KCNN2: variants seen among roughly 807,000 people sequenced by gnomAD.
KCNN2 encodes the protein potassium calcium-activated channel subfamily N member 2, also known as small conductance calcium-activated potassium channel protein 2.
In KCNN2, 24 loss-of-function variants were observed where a neutral mutation model predicts 55.5. The ratio of observed to expected loss-of-function variants is 0.43; its 90% CI spans 0.31 to 0.61. KCNN2 has a LOEUF of 0.61. Among genes scored for constraint, KCNN2 ranks in the 20% least tolerant of loss-of-function variants. The pLI, the probability that KCNN2 is intolerant of heterozygous loss-of-function variation, is 0.08. For synonymous variants in KCNN2, 431 were observed against 336.1 expected (o/e 1.28, Z -3.09); for missense variants, 754 against 853.6 (o/e 0.88, Z 1.45).
At chr5:114,199,612 ATT>A (rs34199440) in intron 1 of KCNN2, among the ~76,000 whole-genome samples, 36 of 150,330 alleles carry the variant, frequency 2.4e-4, no homozygotes, top group African/African-American at 8.5e-4. Context: ...TGGGTTTTAT[ATT>A]TTTTTTTATG....
At chr5:114,107,179 C>T (rs573425782) in intron 1 of KCNN2, among the ~76,000 whole-genome samples, 1 of 152,152 alleles carries the variant, frequency 6.6e-6, no homozygotes, top group African/African-American at 2.4e-5. Flanking sequence ...GTAGTAGCAT[C>T]TTTGTTGTAA....
chr5:114,242,690 C>G (rs997294775), intron 2 of KCNN2, among the ~76,000 whole-genome samples: 7 of 152,050 alleles, frequency 4.6e-5, no homozygotes. Context: ...AAATCGATCT[C>G]TAGGTATTGG....
intron 2 of KCNN2, among the ~76,000 whole-genome samples, chr5:114,397,721 C>A (rs2150067257): frequency 6.6e-6 from 1 of 152,286 alleles, no homozygotes; most frequent in South Asian, 2.1e-4. Context: ...TAATAATAGC[C>A]ATTCTAACTG....
intron 1 of KCNN2, among the ~76,000 whole-genome samples, chr5:114,097,215 G>T (rs1251550338): frequency 2.6e-5 from 4 of 152,134 alleles, no homozygotes; most frequent in African/African-American, 9.7e-5. Context: ...TTAATTATAG[G>T]TCCAATCTTA....
chr5:114,293,764 A>G (rs1755946910), intron 2 of KCNN2, among the ~76,000 whole-genome samples: 1 of 152,170 alleles, frequency 6.6e-6, no homozygotes, highest in Admixed American at 6.5e-5. Context: ...TTCAGAAGGA[A>G]TGGTACCAGT....
intron 2 of KCNN2, among the ~76,000 whole-genome samples, chr5:114,385,531 A>G (rs962101615): frequency 2.3e-4 from 35 of 151,108 alleles, no homozygotes; most frequent in Admixed American, 7.9e-4. Context: ...ACACACACAC[A>G]CACACACACA....
At chr5:114,449,345 G>A (rs1485664598) in intron 3 of KCNN2, among the ~76,000 whole-genome samples, 1 of 152,170 alleles carries the variant, frequency 6.6e-6, no homozygotes, top group Non-Finnish European at 1.5e-5. Context: ...CGCATACTCT[G>A]AGCAGCCCTC....
At chr5:114,352,058 G>C (rs1030783741) in intron 2 of KCNN2, among the ~76,000 whole-genome samples, 2 of 151,660 alleles carry the variant, frequency 1.3e-5, no homozygotes, top group African/African-American at 4.8e-5. Context: ...AACAGGGCCT[G>C]GCCATTTCTT....
rs1015103789 is a variant in KCNN2, at chr5:114,147,874, G to A, written c.-270-73606G>A. Among the ~76,000 whole-genome samples the A allele has an allele frequency of 3.3e-5, 5 of 152,176 alleles. No homozygotes were observed. In the South Asian group the frequency reaches 6.2e-4, roughly 19 times the overall value. On this transcript the variant is annotated intron_variant, in intron 1 of 10. Coordinates refer to the KCNN2 transcript ENST00000512097. ...CCTAAGTACAGAAAAGGAGTGGCTT[G>A]TTGAATTTTATTAGGAGCAATGTGG...
At chr5:114,414,865 G>C (rs777016461) in intron 3 of KCNN2, among the ~76,000 whole-genome samples, 1 of 152,150 alleles carries the variant, frequency 6.6e-6, no homozygotes, top group African/African-American at 2.4e-5. Flanking sequence ...TCTATTTAAA[G>C]TGTACAAGCC....
intron 2 of KCNN2, among the ~76,000 whole-genome samples, chr5:114,262,922 A>G (rs1391353070): frequency 6.6e-6 from 1 of 152,206 alleles, no homozygotes; most frequent in Non-Finnish European, 1.5e-5. Flanking sequence ...CTAAAATGCG[A>G]TGATCCTATT....
intron 1 of KCNN2, among the ~76,000 whole-genome samples, chr5:114,140,778 A>ATTT (rs896840134): frequency 1.4e-5 from 2 of 145,394 alleles, no homozygotes; most frequent in South Asian, 4.3e-4. Flanking sequence ...TATTATTATT[A>ATTT]TTATTATTAT....
chr5:114,070,648 T>C (rs967505247), intron 1 of KCNN2, among the ~76,000 whole-genome samples: 1 of 152,210 alleles, frequency 6.6e-6, no homozygotes, highest in African/African-American at 2.4e-5. Context: ...TTCTCAGGAC[T>C]GACATGAACT....
chr5:114,342,104 T>G (rs1757027821), intron 2 of KCNN2, among the ~76,000 whole-genome samples: 1 of 152,046 alleles, frequency 6.6e-6, no homozygotes, highest in Admixed American at 6.5e-5. Context: ...GGTTTCGCCG[T>G]GTTAGCCAGG....
intron 1 of KCNN2, among the ~76,000 whole-genome samples, chr5:114,211,608 GTAGGCT>G (rs1220958236): frequency 6.6e-6 from 1 of 152,046 alleles, no homozygotes; most frequent in African/African-American, 2.4e-5. Context: ...CTGTTGGGTA[GTAGGCT>G]TAGTACCTGG....
intron 2 of KCNN2, among the ~76,000 whole-genome samples, chr5:114,331,948 A>G (rs1023702050): frequency 6.6e-6 from 1 of 152,216 alleles, no homozygotes; most frequent in Non-Finnish European, 1.5e-5. Flanking sequence ...ACCTTCCCTT[A>G]AGATGTGGAG....
At chr5:114,269,143 C>A (rs924163879) in intron 2 of KCNN2, among the ~76,000 whole-genome samples, 4 of 152,116 alleles carry the variant, frequency 2.6e-5, no homozygotes, top group African/African-American at 9.7e-5. Context: ...TTAGAAAAGT[C>A]AAGTTTTTCT....
At chr5:114,398,299 T>C (rs188226992) in intron 2 of KCNN2, among the ~76,000 whole-genome samples, 2 of 152,276 alleles carry the variant, frequency 1.3e-5, no homozygotes, top group Non-Finnish European at 2.9e-5. Context: ...CTTTCTTCAT[T>C]GCTAGGTTTT....
intron 1 of KCNN2, among the ~76,000 whole-genome samples, chr5:114,203,498 C>T (rs1339413821): frequency 6.6e-6 from 1 of 152,064 alleles, no homozygotes; most frequent in Non-Finnish European, 1.5e-5. Context: ...TAATTGGTAC[C>T]ATATTTTCCC....
Sources: gnomAD v4.1 joint callset for allele counts (sites outside exome capture counted in the v4.1 genomes callset) on GRCh38, gnomAD v4.1.1 for gene constraint, MANE v1.5 for transcripts, NCBI Gene and HGNC (gene_info 2026-07-23, HGNC 2026-07-21) for gene names.